The following ZNF385D variants were observed in gnomAD, a reference collection of about 807,000 sequenced individuals.
ZNF385D encodes zinc finger protein 385D.
Under a neutral mutation model 35.8 loss-of-function variants are expected in ZNF385D, and 15 were observed. The ratio of observed to expected loss-of-function variants is 0.42; its 90% CI spans 0.28 to 0.64. The LOEUF is 0.64. Among genes scored for constraint, ZNF385D ranks in the 30% least tolerant of loss-of-function variants. The pLI is 0.23. For missense variants in ZNF385D, 474 were observed against 494.6 expected (o/e 0.96, Z 0.39); for synonymous variants, 212 against 186.8 (o/e 1.13, Z -1.10).
intron 3 of ZNF385D, among the ~76,000 whole-genome samples, chr3:22,050,480 C>T (rs773333633): frequency 1.3e-4 from 20 of 152,100 alleles, no homozygotes; most frequent in Non-Finnish European, 2.4e-4. Flanking sequence ...CTGGGCTTTC[C>T]TTTGACAGGA....
chr3:22,167,411 C>A (rs1706406651), intron 3 of ZNF385D, among the ~76,000 whole-genome samples: 1 of 152,162 alleles, frequency 6.6e-6, no homozygotes, highest in Non-Finnish European at 1.5e-5. Flanking sequence ...GGGTGGAGGA[C>A]CACCCACGCA....
At chr3:22,146,906 G>C (rs1334978616) in intron 3 of ZNF385D, among the ~76,000 whole-genome samples, 4 of 152,048 alleles carry the variant, frequency 2.6e-5, no homozygotes, top group Admixed American at 6.6e-5. Flanking sequence ...GTATTGTTTT[G>C]TCTCGTTTTT....
rs567732242 is a variant in ZNF385D, at chr3:22,302,096, A to G, written c.106+70354T>C. ...ATTTCTTGTGCTTGTCTCCTTATGC[A>G]CACAGCATGAGAATATTTATAAACT... On this transcript the variant is annotated intron_variant, in intron 2 of 5. Coordinates refer to the ZNF385D transcript ENST00000494108. Among the ~76,000 whole-genome samples the G allele has an allele frequency of 2.0e-5, 3 of 152,144 alleles. No homozygotes were observed. In the South Asian group the frequency reaches 6.2e-4, roughly 32 times the overall value.
rs112300658 is a variant in ZNF385D at position 21,692,052 on chromosome 3, T to G, written c.23-27024A>C. Among the ~76,000 whole-genome samples, 619 of 152,342 alleles carry G rather than the reference T, an allele frequency of 4.1e-3. 6 individuals are homozygous for G. The highest frequency in any genetic ancestry group is 0.014 in the African/African-American group (585 of 41,570). ...AGATCCATCCATGTTGTAGCACATATCAGAATTTCATTCTTTTTTAGGGCT... is the reference window on the plus strand; with the variant it reads ...AGATCCATCCATGTTGTAGCACATAGCAGAATTTCATTCTTTTTTAGGGCT... On this transcript the variant is annotated intron_variant, in intron 1 of 7. Coordinates refer to ENST00000281523, the MANE Select transcript of ZNF385D (RefSeq NM_024697.3).
intron 3 of ZNF385D, among the ~76,000 whole-genome samples, chr3:21,964,617 G>C (rs187952637): frequency 1.3e-5 from 2 of 151,276 alleles, no homozygotes; most frequent in African/African-American, 4.8e-5. Flanking sequence ...CGCCTCCTGA[G>C]TAACTGGGTT....
intron 2 of ZNF385D, among the ~76,000 whole-genome samples, chr3:22,363,996 A>C (rs923797649): frequency 6.6e-6 from 1 of 152,076 alleles, no homozygotes; most frequent in African/African-American, 2.4e-5. Context: ...ATTCAACTTT[A>C]CTTAAATGAA....
intron 2 of ZNF385D, among the ~76,000 whole-genome samples, chr3:22,353,761 C>G (rs971395253): frequency 6.6e-6 from 1 of 152,112 alleles, no homozygotes; most frequent in Non-Finnish European, 1.5e-5. Context: ...TACTCTCCAT[C>G]CTACCTCAGC....
chr3:22,140,976 T>C (rs113300936), intron 3 of ZNF385D, among the ~76,000 whole-genome samples: 13 of 152,304 alleles, frequency 8.5e-5, no homozygotes, highest in East Asian at 3.9e-4. Flanking sequence ...GCTCAAACAA[T>C]TGTTGAACTT....
intron 3 of ZNF385D, among the ~76,000 whole-genome samples, chr3:21,897,001 G>C (rs1397621913): frequency 6.6e-6 from 1 of 152,064 alleles, no homozygotes; most frequent in Non-Finnish European, 1.5e-5. Context: ...TACAATTAGA[G>C]TATGGAATAT....
chr3:21,840,072 C>G (rs1343762931), intron 3 of ZNF385D, among the ~76,000 whole-genome samples: 1 of 152,054 alleles, frequency 6.6e-6, no homozygotes, highest in Admixed American at 6.6e-5. Flanking sequence ...ATGTGATAAC[C>G]TCTTTTGATA....
chr3:22,192,035 T>C (rs190944426), intron 2 of ZNF385D, among the ~76,000 whole-genome samples: 2 of 152,284 alleles, frequency 1.3e-5, no homozygotes, highest in Non-Finnish European at 2.9e-5. Context: ...TACCCTGAAA[T>C]GGCTCCATCA....
intron 3 of ZNF385D, among the ~76,000 whole-genome samples, chr3:21,906,221 C>T (rs1225234404): frequency 6.6e-6 from 1 of 152,160 alleles, no homozygotes; most frequent in Non-Finnish European, 1.5e-5. Context: ...AATTAATCTG[C>T]TGAAATGTCA....
chr3:21,608,300 CGCCCA>C (rs755582379), intron 2 of ZNF385D, among the ~76,000 whole-genome samples: 29 of 152,044 alleles, frequency 1.9e-4, no homozygotes, highest in Non-Finnish European at 3.4e-4. Context: ...TGAGCCACTG[CGCCCA>C]GCCCTAAATT....
At chr3:21,625,358 G>T (rs2065107122) in intron 2 of ZNF385D, among the ~76,000 whole-genome samples, 1 of 152,032 alleles carries the variant, frequency 6.6e-6, no homozygotes, top group Non-Finnish European at 1.5e-5. Flanking sequence ...GACTTTTACA[G>T]GGCATACTGA....
chr3:22,253,569 C>G (rs1425784328), intron 2 of ZNF385D, among the ~76,000 whole-genome samples: 1 of 151,898 alleles, frequency 6.6e-6, no homozygotes, highest in East Asian at 1.9e-4. Context: ...ATGTCACGTT[C>G]TCATGACATG....
chr3:21,815,956 A>G (rs1238061429), intron 3 of ZNF385D, among the ~76,000 whole-genome samples: 9 of 152,236 alleles, frequency 5.9e-5, no homozygotes, highest in Non-Finnish European at 1.3e-4. Flanking sequence ...AACCGAATCC[A>G]GTAGCACATT....
intron 3 of ZNF385D, among the ~76,000 whole-genome samples, chr3:21,870,036 G>A (rs1697602123): frequency 6.6e-6 from 1 of 151,740 alleles, no homozygotes; most frequent in African/African-American, 2.4e-5. Context: ...TCTCAAATCT[G>A]CAAAATCCTC....
At chr3:21,837,185 A>T (rs1695382153) in intron 3 of ZNF385D, among the ~76,000 whole-genome samples, 1 of 152,104 alleles carries the variant, frequency 6.6e-6, no homozygotes. Flanking sequence ...TCCTTCTTTC[A>T]GACTCTAATT....
At chr3:21,490,017 A>T (rs565503043) in intron 4 of ZNF385D, among the ~76,000 whole-genome samples, 3 of 152,262 alleles carry the variant, frequency 2.0e-5, no homozygotes, top group Non-Finnish European at 4.4e-5. Flanking sequence ...TGAAGCAAAC[A>T]CATAGCTTAA....
Sources: allele counts gnomAD v4.1 joint callset (sites outside exome capture counted in the v4.1 genomes callset), GRCh38; gene constraint gnomAD v4.1.1; transcripts MANE v1.5; gene names NCBI Gene and HGNC (gene_info 2026-07-23, HGNC 2026-07-21).